RETREG1: variants seen among roughly 807,000 people sequenced by gnomAD.
RETREG1 encodes the protein family with sequence similarity 134 member B.
RETREG1 carries 44 observed loss-of-function variants against 54.8 expected under a neutral mutation model. The observed-to-expected ratio is 0.80, with a 90% CI of 0.63 to 1.03. The LOEUF (loss-of-function observed/expected upper bound fraction) is 1.03. Ranked by LOEUF, RETREG1 falls within the 50% of genes least tolerant of loss-of-function variation. The pLI is 0.00. For synonymous variants in RETREG1, 217 were observed against 238.5 expected, an observed-to-expected ratio of 0.91 and a Z score of 0.83; for missense variants, 554 against 605.1, an observed-to-expected ratio of 0.92 and a Z score of 0.89.
At chr5:16,580,874 ATG>A (rs1217313578) in intron 1 of RETREG1, among the ~76,000 whole-genome samples, 1 of 152,152 alleles carries the variant, frequency 6.6e-6, no homozygotes, top group African/African-American at 2.4e-5. Flanking sequence ...TCCCAGACAA[ATG>A]GGGCATCCCC....
intron 3 of RETREG1, among the ~76,000 whole-genome samples, chr5:16,554,035 C>T (rs1046912770): frequency 1.3e-5 from 2 of 152,160 alleles, no homozygotes; most frequent in East Asian, 3.9e-4. Flanking sequence ...TTTGGGTTTA[C>T]ACCTAAGTCA....
In RETREG1 at chr5:16,593,715, C is replaced by T. The variant is rs1171973818; in HGVS notation, c.321-21613G>A. On this transcript the variant is annotated intron_variant, in intron 1 of 8. Transcript: ENST00000306320. This position sits in a 1 kb window ranked among gnomAD's most constrained non-coding sequence, Gnocchi z 4.9. ...TCTTCTCTTTCAGAAGACCTGGCCT[C>T]TGATAACCAAGAGAAGTAAATCTAG... 6.6e-6 allele frequency among the ~76,000 whole-genome samples: 1 copy of T among 152,174 alleles called. No homozygotes were observed. Among genetic ancestry groups the T allele is most frequent in the Non-Finnish European group, 1.5e-5 (1 of 68,034 alleles).
In RETREG1 at chr5:16,609,302, G is replaced by A. The variant is rs541323252; in HGVS notation, c.320+7350C>T. On this transcript the variant is annotated intron_variant, in intron 1 of 8. Transcript: ENST00000306320. ...CTGGGTTCCTGCAAGGTTTAAATAC[G>A]ATGCTACATGTGAACACCCTTTATC... Among the ~76,000 whole-genome samples the A allele has an allele frequency of 5.9e-5, 9 of 152,252 alleles. No homozygotes were observed. In the South Asian group the frequency reaches 1.0e-3, roughly 18 times the overall value.
chr5:16,579,692 AG>A (rs1742431204), intron 1 of RETREG1, among the ~76,000 whole-genome samples: 1 of 152,182 alleles, frequency 6.6e-6, no homozygotes, highest in Non-Finnish European at 1.5e-5. Flanking sequence ...AATGTTCTGT[AG>A]TTGTGATCAC....
Position 16,594,269 on chromosome 5 carries a change from T to C in RETREG1, c.321-22167A>G, listed in dbSNP as rs1742844354. On this transcript the variant is annotated intron_variant, in intron 1 of 8. Coordinates refer to ENST00000306320, the MANE Select transcript of RETREG1 (RefSeq NM_001034850.3). This position sits in a 1 kb window ranked among gnomAD's most constrained non-coding sequence, Gnocchi z 4.4. ...GATTAAGAATCAAAATTTCTCCTGA[T>C]GCCCAACTTTCATTTTGATAAATGA... Among the ~76,000 whole-genome samples, 1 of 152,232 alleles carries C rather than the reference T, an allele frequency of 6.6e-6. No homozygotes were observed. The highest frequency in any genetic ancestry group is 6.5e-5 in the Admixed American group (1 of 15,290).
At chr5:16,528,324 AT>A (rs1740786566) in intron 3 of RETREG1, among the ~76,000 whole-genome samples, 2 of 152,158 alleles carry the variant, frequency 1.3e-5, no homozygotes, top group African/African-American at 4.8e-5. Flanking sequence ...TTTTACAGAG[AT>A]TACAATTCAC....
intron 3 of RETREG1, among the ~76,000 whole-genome samples, chr5:16,547,073 C>T (rs890280125): frequency 2.0e-5 from 3 of 152,142 alleles, no homozygotes; most frequent in Non-Finnish European, 4.4e-5. Flanking sequence ...TGCGAGGGAC[C>T]GTTCTATAGG....
chr5:16,613,316 A>G (rs1422874812), intron 1 of RETREG1, among the ~76,000 whole-genome samples: 3 of 152,330 alleles, frequency 2.0e-5, no homozygotes, highest in Admixed American at 2.0e-4. Context: ...CCTCAGGGTT[A>G]GAATGCTCTT....
chr5:16,502,218 A>G (rs762328149), intron 3 of RETREG1, among the ~76,000 whole-genome samples: 13 of 152,112 alleles, frequency 8.5e-5, no homozygotes, highest in Non-Finnish European at 1.3e-4. Flanking sequence ...TCGGCCTCCC[A>G]AAGTGCTGGG....
intron 3 of RETREG1, among the ~76,000 whole-genome samples, chr5:16,514,414 T>C (rs1223026620): frequency 6.6e-6 from 1 of 152,226 alleles, no homozygotes; most frequent in Admixed American, 6.5e-5. Context: ...TTGGTACAGA[T>C]ATTTTCATTT....
intron 3 of RETREG1, among the ~76,000 whole-genome samples, chr5:16,523,446 C>T (rs562181875): frequency 3.3e-5 from 5 of 152,108 alleles, no homozygotes; most frequent in Non-Finnish European, 5.9e-5. Flanking sequence ...ATGTTTTTCT[C>T]GTCATTAGGC....
At chr5:16,576,484 A>T (rs577184085) in intron 1 of RETREG1, among the ~76,000 whole-genome samples, 23 of 147,970 alleles carry the variant, frequency 1.6e-4, no homozygotes, top group African/African-American at 2.7e-4. Flanking sequence ...TTTTTTATTT[A>T]TTTATTTTTT....
chr5:16,588,854 A>G (rs1177157304), intron 1 of RETREG1, among the ~76,000 whole-genome samples: 1 of 152,212 alleles, frequency 6.6e-6, no homozygotes, highest in African/African-American at 2.4e-5. Context: ...GGACACAGAG[A>G]AGCAACCGTC....
At chr5:16,543,279 G>A (rs553794651) in intron 3 of RETREG1, among the ~76,000 whole-genome samples, 64 of 152,252 alleles carry the variant, frequency 4.2e-4, no homozygotes, top group African/African-American at 1.5e-3. Context: ...TAAAGCTGCC[G>A]TGAACATTTA....
At chr5:16,537,012 T>G (rs1741092995) in intron 3 of RETREG1, among the ~76,000 whole-genome samples, 1 of 152,086 alleles carries the variant, frequency 6.6e-6, no homozygotes, top group Non-Finnish European at 1.5e-5. Context: ...CTGACTTCCC[T>G]TCTCTACTCT....
At chr5:16,537,450 A>G (rs1741106928) in intron 3 of RETREG1, among the ~76,000 whole-genome samples, 1 of 152,196 alleles carries the variant, frequency 6.6e-6, no homozygotes, top group Non-Finnish European at 1.5e-5. Context: ...TGGTGTGTGG[A>G]TTTGGCCACA....
chr5:16,565,130 T>C (rs774136707), intron 3 of RETREG1, among the ~76,000 whole-genome samples: 33 of 152,232 alleles, frequency 2.2e-4, no homozygotes, highest in Non-Finnish European at 2.4e-4. Context: ...GTTGGTAGAG[T>C]GCACTGTGGT....
chr5:16,519,431 C>T (rs886827796), intron 3 of RETREG1, among the ~76,000 whole-genome samples: 6 of 152,204 alleles, frequency 3.9e-5, no homozygotes, highest in African/African-American at 1.4e-4. Flanking sequence ...GCTCAGGATA[C>T]AGTTGTAAGC....
At position 16,612,025 on chromosome 5, in the gene RETREG1, A is replaced by G. The variant is rs1286174783; in HGVS notation, c.320+4627T>C. ...GGTTGCAGTGAGCCAAGATCGCACC[A>G]CTGCACTCCAGTCTGGGAGAGAGAG... On this transcript the variant is annotated intron_variant, in intron 1 of 8. Transcript: ENST00000306320. Among the ~76,000 whole-genome samples the G allele has an allele frequency of 2.0e-5, 3 of 149,894 alleles. No individual in the cohort carries two copies. The East Asian group carries it at 5.9e-4, about 29-fold the overall frequency.
Sources: allele counts gnomAD v4.1 joint callset (sites outside exome capture counted in the v4.1 genomes callset), GRCh38; gene constraint gnomAD v4.1.1; non-coding constraint Gnocchi (gnomAD v3.1); transcripts MANE v1.5; gene names NCBI Gene and HGNC (gene_info 2026-07-23, HGNC 2026-07-21).